DNAJC1: variants seen among roughly 807,000 people sequenced by gnomAD.
DNAJC1 encodes dnaJ homolog subfamily C member 1.
A neutral mutation model predicts 76.6 loss-of-function variants in DNAJC1; 58 were observed. That is an observed-to-expected ratio of 0.76 (90% CI 0.61 to 0.94). DNAJC1 has a LOEUF of 0.94. Ranked by LOEUF, DNAJC1 falls within the 40% of genes least tolerant of loss-of-function variation. The pLI is 0.00. For synonymous variants in DNAJC1, 258 were observed against 267.9 expected (o/e 0.96, Z 0.36); for missense variants, 689 against 677.3 (o/e 1.02, Z -0.19).
At chr10:21,973,108 C>T (rs996643623) in intron 1 of DNAJC1, among the ~76,000 whole-genome samples, 2 of 151,998 alleles carry the variant, frequency 1.3e-5, no homozygotes, top group African/African-American at 4.8e-5. Flanking sequence ...ATTTACATTA[C>T]CTAAATAACA....
intron 8 of DNAJC1, among the ~76,000 whole-genome samples, chr10:21,866,377 C>A (rs1836002874): frequency 6.6e-6 from 1 of 150,898 alleles, no homozygotes; most frequent in Non-Finnish European, 1.5e-5. Flanking sequence ...AAACAAAAAC[C>A]AAAAGAAAGC....
intron 1 of DNAJC1, among the ~76,000 whole-genome samples, chr10:21,941,723 T>C (rs1241167680): frequency 6.6e-6 from 1 of 152,132 alleles, no homozygotes; most frequent in Non-Finnish European, 1.5e-5. Context: ...AATATATGTG[T>C]CTGTAGGTAT....
chr10:22,000,591 T>C (rs1193185778), intron 1 of DNAJC1, among the ~76,000 whole-genome samples: 1 of 152,260 alleles, frequency 6.6e-6, no homozygotes, highest in Admixed American at 6.5e-5. Context: ...CTTCCTTGAA[T>C]GTCCTTCTAC....
At position 21,757,024 on chromosome 10, in the gene DNAJC1, T is replaced by C. The variant is rs537465809; in HGVS notation, c.1597-269A>G. The stretch of plus-strand genomic sequence containing the variant: ...CCGTTTGTGAGGCGTACTAGCATCA[T>C]AATCGGGTCTTTCAGCCTGCTAACT... On this transcript the variant is annotated intron_variant, in intron 11 of 11. Coordinates refer to ENST00000376980, the MANE Select transcript of DNAJC1 (RefSeq NM_022365.4). Among the ~76,000 whole-genome samples, 4 of 152,350 alleles carry C rather than the reference T, an allele frequency of 2.6e-5. No individual in the cohort carries two copies. The South Asian group carries it at 8.3e-4, about 32-fold the overall frequency.
intron 7 of DNAJC1, among the ~76,000 whole-genome samples, chr10:21,884,612 T>C (rs996666924): frequency 1.3e-5 from 2 of 152,158 alleles, no homozygotes; most frequent in South Asian, 4.1e-4. Context: ...TGTATGACTA[T>C]TTACTATTTC....
intron 8 of DNAJC1, among the ~76,000 whole-genome samples, chr10:21,868,917 G>A (rs1836055131): frequency 6.6e-6 from 1 of 152,000 alleles, no homozygotes; most frequent in Non-Finnish European, 1.5e-5. Flanking sequence ...TGACAAAACA[G>A]ATTCTTTGTA....
At chr10:22,002,666 TAAG>T (rs1420868691) in intron 1 of DNAJC1, among the ~76,000 whole-genome samples, 1 of 151,748 alleles carries the variant, frequency 6.6e-6, no homozygotes, top group Non-Finnish European at 1.5e-5. Context: ...AAGTACAAAG[TAAG>T]AAAAACTTTT....
chr10:21,801,242 G>A (rs1270348122), intron 9 of DNAJC1, among the ~76,000 whole-genome samples: 2 of 152,060 alleles, frequency 1.3e-5, no homozygotes, highest in Admixed American at 1.3e-4. Context: ...CTACAGAATG[G>A]GAGAAAATAT....
intron 9 of DNAJC1, among the ~76,000 whole-genome samples, chr10:21,787,145 T>A (rs1331184520): frequency 6.6e-6 from 1 of 151,994 alleles, no homozygotes; most frequent in African/African-American, 2.4e-5. Context: ...CTAGCCAACA[T>A]GGTGAAACCT....
chr10:21,938,623 T>C (rs1304481077), intron 1 of DNAJC1, among the ~76,000 whole-genome samples: 1 of 152,180 alleles, frequency 6.6e-6, no homozygotes, highest in African/African-American at 2.4e-5. Flanking sequence ...ATGGGTATGG[T>C]GGTGTTCCAA....
intron 1 of DNAJC1, among the ~76,000 whole-genome samples, chr10:21,968,041 C>T (rs532018640): frequency 3.7e-4 from 57 of 152,320 alleles, no homozygotes; most frequent in Admixed American, 9.8e-4. Flanking sequence ...CAATCCTACC[C>T]TTTATTGACA....
chr10:21,895,441 G>C lies in DNAJC1; in HGVS notation c.820+9081C>G, dbSNP rs920537800. Among the ~76,000 whole-genome samples, 2 of 152,208 alleles carry C rather than the reference G, an allele frequency of 1.3e-5. 1 individual carries two copies. Among genetic ancestry groups the C allele is most frequent in the South Asian group, 4.1e-4 (2 of 4,824 alleles). The stretch of plus-strand genomic sequence containing the variant: ...TTACTTTGTGGAAGGCAGAACTTAA[G>C]AGCAATGGGCTAGGTTATTTTGTGG... On this transcript the variant is annotated intron_variant, in intron 7 of 11. Coordinates refer to ENST00000376980, the MANE Select transcript of DNAJC1 (RefSeq NM_022365.4).
At chr10:21,762,048 C>T (rs377343483) in intron 10 of DNAJC1, among the ~76,000 whole-genome samples, 52 of 152,284 alleles carry the variant, frequency 3.4e-4, no homozygotes, top group African/African-American at 1.1e-3. Flanking sequence ...GCTGGGACTA[C>T]AGGCGTCAGC....
At chr10:21,884,757 A>G (rs149583148) in intron 7 of DNAJC1, among the ~76,000 whole-genome samples, 102 of 152,324 alleles carry the variant, frequency 6.7e-4, no homozygotes, top group African/African-American at 2.4e-3. Context: ...AATTTGGGCT[A>G]CATATAGAGA....
intron 8 of DNAJC1, among the ~76,000 whole-genome samples, chr10:21,874,252 CA>C (rs1702814244): frequency 1.3e-5 from 2 of 151,578 alleles, no homozygotes; most frequent in South Asian, 2.1e-4. Context: ...GCCGTCCAAA[CA>C]AAAAAAATAA....
At chr10:21,834,080 C>T (rs1406855311) in intron 8 of DNAJC1, among the ~76,000 whole-genome samples, 4 of 151,872 alleles carry the variant, frequency 2.6e-5, no homozygotes, top group Non-Finnish European at 2.9e-5. Flanking sequence ...CTGGGTAACA[C>T]GGTGAAACCC....
intron 8 of DNAJC1, among the ~76,000 whole-genome samples, chr10:21,836,855 T>A (rs568233333): frequency 7.6e-4 from 115 of 152,282 alleles, no homozygotes; most frequent in Non-Finnish European, 1.4e-3. Context: ...ACAAAGAGAC[T>A]TAGACTCCCA....
chr10:21,869,002 T>A (rs1564812627), intron 8 of DNAJC1, among the ~76,000 whole-genome samples: 2 of 152,200 alleles, frequency 1.3e-5, no homozygotes, highest in East Asian at 3.9e-4. Context: ...AATCAAAGTA[T>A]TTTGTCCCCA....
At chr10:21,880,217 C>T (rs76179804) in intron 8 of DNAJC1, among the ~76,000 whole-genome samples, 7,166 of 152,236 alleles carry the variant, frequency 0.047, 310 homozygotes, top group African/African-American at 0.11. Flanking sequence ...CTATTCACAC[C>T]ATATCAGCAG....
Sources: allele counts gnomAD v4.1 joint callset (sites outside exome capture counted in the v4.1 genomes callset), GRCh38; gene constraint gnomAD v4.1.1; transcripts MANE v1.5; gene names NCBI Gene and HGNC (gene_info 2026-07-23, HGNC 2026-07-21).